SLTM: variants seen among roughly 807,000 people sequenced by gnomAD.
SLTM encodes SAFB-like transcription modulator.
Under a neutral mutation model 134.6 loss-of-function variants are expected in SLTM, and 43 were observed. The observed-to-expected ratio is 0.32, with a 90% CI of 0.25 to 0.41. SLTM has a LOEUF of 0.41. SLTM is among the 10% of genes least tolerant of loss of function. SLTM has a pLI of 1.00. For synonymous variants in SLTM, 424 were observed against 432.3 expected (o/e 0.98, Z 0.24); for missense variants, 1,055 against 1,288.8 (o/e 0.82, Z 2.78).
At chr15:58,894,373 A>AT in intron 10 of SLTM, 60 bp downstream of exon 10, 2 of 1,584,082 alleles carry the variant, frequency 1.3e-6, no homozygotes, top group East Asian at 4.5e-5. Context: ...GTTAACAGCT[A>AT]TGAGTTGAGA....
chr15:58,898,923 T>A, intron 7 of SLTM, 71 bp from the exon 8 acceptor site: 1 of 1,078,778 alleles, frequency 9.3e-7, no homozygotes, highest in Non-Finnish European at 1.4e-6. Context: ...AACAGCTTGA[T>A]ATTTACTATA....
chr15:58,927,483 C>G lies in SLTM; in HGVS notation c.250+4873G>C, dbSNP rs1184534702. 3.9e-5 allele frequency among the ~76,000 whole-genome samples: 6 copies of G among 152,196 alleles called. 1 individual carries two copies. Among genetic ancestry groups the G allele is most frequent in the Admixed American group, 3.9e-4 (6 of 15,290 alleles). ...ACGGGGTTTCACCATGTTAGCCAGT[C>G]TGGTCTCAAACTCCTGACATCAGGT... is the stretch of plus-strand genomic sequence containing the variant. On this transcript the variant is annotated intron_variant, in intron 2 of 20. Coordinates refer to ENST00000380516, the MANE Select transcript of SLTM (RefSeq NM_024755.4).
Position 58,920,125 on chromosome 15 carries a change from G to A in SLTM, c.251-3126C>T, listed in dbSNP as rs1426170694. On this transcript the variant is annotated intron_variant, in intron 2 of 20. Transcript: ENST00000380516. ...GAAGCCCGGAGTTTGAGAGCAGCCTGGCCAACTAGCAAAACCCCACCTCTA... is the reference window on the plus strand; with the variant it reads ...GAAGCCCGGAGTTTGAGAGCAGCCTAGCCAACTAGCAAAACCCCACCTCTA... 7.2e-5 allele frequency among the ~76,000 whole-genome samples: 11 copies of A among 152,030 alleles called. No homozygotes were observed. In the East Asian group the frequency reaches 1.2e-3, roughly 16 times the overall value.
chr15:58,889,279 T>C, intron 16 of SLTM, 151 bp downstream of exon 16: 1 of 911,140 alleles, frequency 1.1e-6, no homozygotes, highest in Non-Finnish European at 1.6e-6. Context: ...GCTAGTGCAC[T>C]GGGTCTACCC....
chr15:58,930,262 C>T (rs113428531), intron 2 of SLTM, among the ~76,000 whole-genome samples: 3,091 of 149,220 alleles, frequency 0.021, 101 homozygotes, highest in African/African-American at 0.073. Flanking sequence ...TACAGGCACG[C>T]GCGCCACCAT....
Position 58,880,011 on chromosome 15 carries a change from C to T in SLTM, c.3093G>A (p.Pro1031=), listed in dbSNP as rs199687843. Residue 1031 remains proline (P), a synonymous_variant, in exon 21 of 21, where the codon CCG becomes CCA. Coordinates refer to ENST00000380516, the MANE Select transcript of SLTM (RefSeq NM_024755.4). The part of the protein sequence containing the change: ...SGFKPFKGGP[P]RRF Reference sequence around the variant, plus strand: ...AGAGAGCTCATTTTCAGAATCGTCGCGGAGGTCCACCCTTAAATGGCTTAA... The same window carrying T: ...AGAGAGCTCATTTTCAGAATCGTCGTGGAGGTCCACCCTTAAATGGCTTAA... 1.9e-5 allele frequency: 30 copies of T among 1,613,442 alleles called. No individual in the cohort carries two copies. The highest frequency in any genetic ancestry group is 5.5e-5 in the South Asian group (5 of 90,986).
chr15:58,887,859 G>C (rs2034346575), intron 17 of SLTM, among the ~76,000 whole-genome samples: 1 of 152,122 alleles, frequency 6.6e-6, no homozygotes, highest in South Asian at 2.1e-4. Flanking sequence ...CAGTTTTAAA[G>C]ATAAGAAGAG....
chr15:58,897,252 C>T lies in SLTM; in HGVS notation c.1109-19G>A. ...GTACTTCCTAGAATAGATTTAATAT[C>T]AGATGTTTAAGTATCTCAATCAGAA... On this transcript the variant is annotated intron_variant, in intron 8 of 20. Coordinates refer to ENST00000380516, the MANE Select transcript of SLTM (RefSeq NM_024755.4). 1 of 1,367,570 alleles carries T rather than the reference C, an allele frequency of 7.3e-7. No homozygotes were observed. Among genetic ancestry groups the T allele is most frequent in the Non-Finnish European group, 1.0e-6 (1 of 963,198 alleles). 84.7% of individuals were successfully genotyped at this position (1,367,570 alleles called of 1,614,324 possible).
Position 58,899,252 on chromosome 15 carries a change from T to C in SLTM, c.1058+217A>G. On this transcript the variant is annotated intron_variant, in intron 7 of 20. Transcript: ENST00000380516. This position sits in a 1 kb window ranked among gnomAD's most constrained non-coding sequence, Gnocchi z 5.0. ...CAAAAAACAACAAAAAAACCAAATA[T>C]ATGCTGACATTCGACAATGCAATCA... 1 of 469,228 alleles carries C rather than the reference T, an allele frequency of 2.1e-6. No homozygotes were observed. The allele number at this position is 469,228 out of a possible 1,614,324, so 29.1% of individuals were successfully genotyped here.
chr15:58,909,630 T>C (rs1433802214), intron 5 of SLTM, among the ~76,000 whole-genome samples: 1 of 152,216 alleles, frequency 6.6e-6, no homozygotes, highest in East Asian at 1.9e-4. Flanking sequence ...CAACCAGATA[T>C]TATGTGCATC....
Position 58,883,641 on chromosome 15 carries a change from A to C in SLTM, c.2981T>G (p.Ile994Arg). 1 of 1,614,112 alleles carries C rather than the reference A, an allele frequency of 6.2e-7. No individual in the cohort carries two copies. The highest frequency in any genetic ancestry group is 8.5e-7 in the Non-Finnish European group (1 of 1,180,014). Residue 994 changes from isoleucine (I) to arginine (R), a missense_variant, in exon 20 of 21, where the codon ATA becomes AGA. Ile to Arg is a moderately conservative substitution (Grantham distance 97, BLOSUM62 -3). Coordinates refer to ENST00000380516, the MANE Select transcript of SLTM (RefSeq NM_024755.4). Reference protein sequence around the residue: ...MGDGRAGAGMITQHSSNASPI... With the variant: ...MGDGRAGAGMRTQHSSNASPI... ...AGTTATTTACCTTGAATGTTGGGTTATCATGCCTGCTCCTGCCCGGCCGTC... is the reference window on the plus strand; with the variant it reads ...AGTTATTTACCTTGAATGTTGGGTTCTCATGCCTGCTCCTGCCCGGCCGTC...
chr15:58,925,041 C>T (rs1246519495), intron 2 of SLTM, among the ~76,000 whole-genome samples: 1 of 144,532 alleles, frequency 6.9e-6, no homozygotes, highest in Non-Finnish European at 1.5e-5. Flanking sequence ...AACTTTTCCC[C>T]TTAAACATTC....
intron 2 of SLTM, among the ~76,000 whole-genome samples, chr15:58,919,699 G>A (rs140885227): frequency 8.5e-5 from 13 of 152,250 alleles, no homozygotes; most frequent in African/African-American, 3.1e-4. Flanking sequence ...CTATAGAGCA[G>A]AACTTTTGGG....
chr15:58,888,817 C>A, intron 16 of SLTM: 1 of 308,016 alleles, frequency 3.2e-6, no homozygotes, highest in Non-Finnish European at 5.9e-6. Flanking sequence ...AGACATTTAG[C>A]ATTCAGGAGA....
rs764066323 is a variant in SLTM, at chr15:58,888,608, C to G, written c.2205-53G>C. The G allele has an allele frequency of 3.2e-6, 5 of 1,576,556 alleles. No homozygotes were observed. The Admixed American group carries it at 5.1e-5, about 16-fold the overall frequency. On this transcript the variant is annotated intron_variant, in intron 16 of 20. Coordinates refer to ENST00000380516, the MANE Select transcript of SLTM (RefSeq NM_024755.4). Reference sequence around the variant, plus strand: ...ATAAATTAGTTCTACAGTAATCAAACGACATTTACTTGGAGTCATACATAC... The same window carrying G: ...ATAAATTAGTTCTACAGTAATCAAAGGACATTTACTTGGAGTCATACATAC...
Position 58,879,310 on chromosome 15 carries a change from A to C in SLTM, c.*689T>G, listed in dbSNP as rs879287258. 6.6e-6 allele frequency: 1 copy of C among 152,364 alleles called. No individual in the cohort carries two copies. The highest frequency in any genetic ancestry group is 1.5e-5 in the Non-Finnish European group (1 of 68,044). The allele number at this position is 152,364 out of a possible 1,614,324, so 9.4% of individuals were successfully genotyped here. The stretch of plus-strand genomic sequence containing the variant: ...ACCTTGTGAAACAAACCTCATGGCC[A>C]AGGTTTCATGAATCTATTTGGTTTC... On this transcript the variant is annotated 3_prime_UTR_variant, in exon 21 of 21. Transcript: ENST00000380516.
At position 58,886,991 on chromosome 15, in the gene SLTM, C is replaced by A; in HGVS notation, c.2819G>T (p.Arg940Leu). 6.2e-7 allele frequency: 1 copy of A among 1,612,474 alleles called. No individual in the cohort carries two copies. Among genetic ancestry groups the A allele is most frequent in the Non-Finnish European group, 8.5e-7 (1 of 1,180,012 alleles). ...REGDRGVITDRGGGSQHYPEE... is the reference protein window; with the variant it reads ...REGDRGVITDLGGGSQHYPEE... ...AGCACTTACCTGTGATCCACCTCCT[C>A]GGTCTGTGATGACTCCTCTGTCTCC... The change falls in exon 19 of 21, where the codon CGA becomes CTA. Residue 940 changes from arginine (R) to leucine (L), a missense_variant. Physicochemically the swap from Arg to Leu is moderately radical, Grantham distance 102. Coordinates refer to ENST00000380516, the MANE Select transcript of SLTM (RefSeq NM_024755.4).
chr15:58,900,008 A>C, intron 6 of SLTM, 71 bp from the exon 7 acceptor site: 1 of 1,231,422 alleles, frequency 8.1e-7, no homozygotes, highest in Non-Finnish European at 1.1e-6. Context: ...ATAAGCTAGA[A>C]TAGGACCTAG....
At chr15:58,919,374 C>G (rs1413490280) in intron 2 of SLTM, among the ~76,000 whole-genome samples, 3 of 152,014 alleles carry the variant, frequency 2.0e-5, no homozygotes, top group African/African-American at 4.8e-5. Context: ...GGGGGAGAAT[C>G]GCTTGAGCCC....
Sources: allele counts gnomAD v4.1 joint callset (sites outside exome capture counted in the v4.1 genomes callset), GRCh38; gene constraint gnomAD v4.1.1; non-coding constraint Gnocchi (gnomAD v3.1); transcripts MANE v1.5; gene names NCBI Gene and HGNC (gene_info 2026-07-23, HGNC 2026-07-21).